GPATCH2L: variants seen among roughly 807,000 people sequenced by gnomAD.
The protein encoded by GPATCH2L is G-patch domain containing 2 like.
Under a neutral mutation model 57.4 loss-of-function variants are expected in GPATCH2L, and 31 were observed. The ratio of observed to expected loss-of-function variants is 0.54; its 90% CI spans 0.41 to 0.73. GPATCH2L has a LOEUF of 0.73. Among genes scored for constraint, GPATCH2L ranks in the 30% least tolerant of loss-of-function variants. The probability of loss-of-function intolerance (pLI) is 0.00; values close to 1 mark genes in which losing one functional copy is unlikely to be tolerated. For synonymous variants in GPATCH2L, 199 were observed against 210.7 expected, an observed-to-expected ratio of 0.94 and a Z score of 0.48; for missense variants, 481 against 599.9, an observed-to-expected ratio of 0.80 and a Z score of 2.07.
intron 2 of GPATCH2L, among the ~76,000 whole-genome samples, chr14:76,159,547 C>T (rs1254616710): frequency 6.6e-6 from 1 of 152,002 alleles, no homozygotes; most frequent in Non-Finnish European, 1.5e-5. Context: ...TTATCTCATA[C>T]AGCTATGCTG....
At position 76,176,330 on chromosome 14, in the gene GPATCH2L, A is replaced by G. The variant is rs188091591; in HGVS notation, c.985-293A>G. 6.1e-5 allele frequency: 19 copies of G among 309,804 alleles called. No homozygotes were observed. In the East Asian group the frequency reaches 1.2e-3, roughly 19 times the overall value. 19.2% of individuals were successfully genotyped at this position (309,804 alleles called of 1,614,324 possible). A position where few individuals can be genotyped will look rare whatever the true frequency, so the allele number is the denominator to read the frequency against. ...GATTTTTACTCCTATATACTTCAGT[A>G]GTTACAGGAGGTATAGTACTTATTA... is the stretch of plus-strand genomic sequence containing the variant. On this transcript the variant is annotated intron_variant, in intron 5 of 9. Coordinates refer to ENST00000261530, the MANE Select transcript of GPATCH2L (RefSeq NM_017926.4).
chr14:76,158,096 A>C (rs925103392), intron 2 of GPATCH2L, among the ~76,000 whole-genome samples: 8 of 151,394 alleles, frequency 5.3e-5, no homozygotes, highest in Non-Finnish European at 8.9e-5. Context: ...CTAACACATC[A>C]TTTGTTTGTT....
chr14:76,190,564 A>G (rs972415498), intron 8 of GPATCH2L, among the ~76,000 whole-genome samples: 2 of 152,128 alleles, frequency 1.3e-5, no homozygotes. Context: ...ATGAAACAGA[A>G]CAGGCATAGC....
chr14:76,200,216 T>C (rs1405750973), intron 9 of GPATCH2L, among the ~76,000 whole-genome samples: 1 of 152,032 alleles, frequency 6.6e-6, no homozygotes, highest in African/African-American at 2.4e-5. Flanking sequence ...GAGTTTCCAT[T>C]TGAGATGATG....
At chr14:76,162,103 A>G (rs967511201) in intron 2 of GPATCH2L, among the ~76,000 whole-genome samples, 4 of 142,054 alleles carry the variant, frequency 2.8e-5, no homozygotes, top group Non-Finnish European at 6.2e-5. Flanking sequence ...GGAATCTGAG[A>G]GTGACTTAGC....
At chr14:76,193,646 A>G (rs367732507) in intron 8 of GPATCH2L, among the ~76,000 whole-genome samples, 1 of 152,212 alleles carries the variant, frequency 6.6e-6, no homozygotes, top group African/African-American at 2.4e-5. Context: ...GAGAGTTATC[A>G]GAAAGAACCC....
chr14:76,219,005 C>CAAAAAAAA (rs572896740), downstream of GPATCH2L, among the ~76,000 whole-genome samples: 4 of 73,782 alleles, frequency 5.4e-5, no homozygotes, highest in Admixed American at 1.5e-4. Flanking sequence ...TCTAAAAGTA[C>CAAAAAAAA]AAAAAAAAAA....
Position 76,212,237 on chromosome 14 carries a change from A to G in GPATCH2L, c.*10386A>G, listed in dbSNP as rs1027269105. ...GAACAAATGTACCTGTCATATTAAT[A>G]AAAGTAAACTTATCTGTAGATAAAA... On this transcript the variant is annotated 3_prime_UTR_variant, in exon 10 of 10. Transcript: ENST00000261530. 13 of 152,186 alleles carry G rather than the reference A, an allele frequency of 8.5e-5. No homozygotes were observed. Among genetic ancestry groups the G allele is most frequent in the African/African-American group, 3.1e-4 (13 of 41,466 alleles). The allele number at this position is 152,186 out of a possible 1,614,324, so 9.4% of individuals were successfully genotyped here.
Position 76,169,139 on chromosome 14 carries a change from C to A in GPATCH2L, c.727+2412C>A, listed in dbSNP as rs1458877077. Among the ~76,000 whole-genome samples the A allele has an allele frequency of 2.6e-5, 4 of 152,124 alleles. No individual in the cohort carries two copies. The East Asian group carries it at 5.8e-4, about 22-fold the overall frequency. On this transcript the variant is annotated intron_variant, in intron 3 of 9. Transcript: ENST00000261530. ...ACTTCATTACATCTCTGCAATGACC[C>A]CATTTAAATGTGCCATGTGTTTGCT...
At chr14:76,232,333 T>C (rs944220070) in intron 2 of GPATCH2L, among the ~76,000 whole-genome samples, 3 of 152,126 alleles carry the variant, frequency 2.0e-5, no homozygotes, top group Non-Finnish European at 2.9e-5. Flanking sequence ...AGAGTCTCAC[T>C]CTGTCTTCCA....
intron 2 of GPATCH2L, among the ~76,000 whole-genome samples, chr14:76,164,791 G>A (rs1424888668): frequency 6.6e-6 from 1 of 152,176 alleles, no homozygotes; most frequent in African/African-American, 2.4e-5. Context: ...CAAGTTTACA[G>A]CGTTTAGCTA....
chr14:76,172,109 A>G (rs1030391705), intron 4 of GPATCH2L, 90 bp downstream of exon 4: 2 of 775,396 alleles, frequency 2.6e-6, no homozygotes, highest in Non-Finnish European at 2.0e-6. Context: ...CATGCCTTCA[A>G]TCACACATTA....
At chr14:76,185,720 C>A (rs1289917591) in intron 8 of GPATCH2L, among the ~76,000 whole-genome samples, 1 of 152,132 alleles carries the variant, frequency 6.6e-6, no homozygotes, top group Non-Finnish European at 1.5e-5. Flanking sequence ...TATAGGTCAG[C>A]TTCCTTTGTA....
chr14:76,195,832 A>C (rs769487706), intron 8 of GPATCH2L, 46 bp from the exon 9 acceptor site: 1 of 1,382,920 alleles, frequency 7.2e-7, no homozygotes, highest in Non-Finnish European at 1.0e-6. Context: ...GTCTTACAAT[A>C]AGAATTAAAA....
At chr14:76,173,124 G>A (rs192551608) in intron 4 of GPATCH2L, among the ~76,000 whole-genome samples, 9 of 152,254 alleles carry the variant, frequency 5.9e-5, no homozygotes, top group Admixed American at 5.2e-4. Flanking sequence ...TGGGTTATCC[G>A]ACACGTGCTA....
intron 8 of GPATCH2L, among the ~76,000 whole-genome samples, chr14:76,182,421 A>AAT (rs35281878): frequency 7.5e-6 from 1 of 134,186 alleles, no homozygotes; most frequent in Non-Finnish European, 1.6e-5. Flanking sequence ...TTTCTACAAA[A>AAT]TTTTTTTTTT....
At chr14:76,176,121 G>A (rs2039313832) in intron 5 of GPATCH2L, 1 of 152,260 alleles carries the variant, frequency 6.6e-6, no homozygotes, top group Non-Finnish European at 1.5e-5. Context: ...AACAATTTTT[G>A]CAAGTCACAA....
intron 7 of GPATCH2L, chr14:76,178,643 C>T: frequency 6.0e-6 from 1 of 166,772 alleles, no homozygotes; most frequent in Non-Finnish European, 1.3e-5. Context: ...ATAAGGTGTG[C>T]ACAACCTAGG....
intron 2 of GPATCH2L, among the ~76,000 whole-genome samples, chr14:76,166,117 T>C (rs1467919280): frequency 6.6e-6 from 1 of 152,252 alleles, no homozygotes; most frequent in African/African-American, 2.4e-5. Context: ...TTTTTAACTT[T>C]AGTTCCTTTT....
Sources: gnomAD v4.1 joint callset for allele counts (sites outside exome capture counted in the v4.1 genomes callset) on GRCh38, gnomAD v4.1.1 for gene constraint, MANE v1.5 for transcripts, NCBI Gene and HGNC (gene_info 2026-07-23, HGNC 2026-07-21) for gene names.